Variants in BAG3 observed in about 807,000 individuals in gnomAD.
The protein encoded by BAG3 is BAG family molecular chaperone regulator 3.
A neutral mutation model predicts 40.5 loss-of-function variants in BAG3; 14 were observed. That is an observed-to-expected ratio of 0.35 (90% CI 0.23 to 0.54). The LOEUF (loss-of-function observed/expected upper bound fraction) is 0.54. Ranked by LOEUF, BAG3 falls within the 20% of genes least tolerant of loss-of-function variation. The probability of loss-of-function intolerance (pLI) is 0.91; values close to 1 mark genes in which losing one functional copy is unlikely to be tolerated. For synonymous variants in BAG3, 302 were observed against 307.8 expected (o/e 0.98, Z 0.20); for missense variants, 788 against 758.6 (o/e 1.04, Z -0.46).
chr10:119,674,095 T>A (rs920904359), intron 3 of BAG3, among the ~76,000 whole-genome samples: 1 of 152,258 alleles, frequency 6.6e-6, no homozygotes, highest in Non-Finnish European at 1.5e-5. Context: ...GCAACTTCTC[T>A]TCAGTCTTCC....
intron 1 of BAG3, among the ~76,000 whole-genome samples, chr10:119,660,595 C>T (rs1316074696): frequency 6.6e-6 from 1 of 152,178 alleles, no homozygotes; most frequent in Non-Finnish European, 1.5e-5. Flanking sequence ...CCTGTAATCC[C>T]AGCACTTTGG....
intron 3 of BAG3, among the ~76,000 whole-genome samples, chr10:119,675,069 C>T (rs1394332622): frequency 1.3e-5 from 2 of 149,366 alleles, no homozygotes; most frequent in African/African-American, 4.9e-5. Context: ...TGGTGGCTCA[C>T]ACCTATAATC....
At chr10:119,674,757 T>C (rs1166898430) in intron 3 of BAG3, among the ~76,000 whole-genome samples, 2 of 151,500 alleles carry the variant, frequency 1.3e-5, no homozygotes, top group African/African-American at 4.9e-5. Flanking sequence ...TCACTTAAGG[T>C]CAGGAGTTCA....
intron 2 of BAG3, among the ~76,000 whole-genome samples, chr10:119,671,105 C>G (rs1456221907): frequency 6.6e-6 from 1 of 152,110 alleles, no homozygotes; most frequent in Non-Finnish European, 1.5e-5. Flanking sequence ...GCCAGGAATT[C>G]AAGACCAGCC....
In BAG3 at chr10:119,652,924, G is replaced by T. The variant is rs183560607; in HGVS notation, c.180+1069G>T. Among the ~76,000 whole-genome samples, 6 of 152,272 alleles carry T rather than the reference G, an allele frequency of 3.9e-5. No homozygotes were observed. In the East Asian group the frequency reaches 1.2e-3, roughly 29 times the overall value. The stretch of plus-strand genomic sequence containing the variant: ...ATTTTTTATAAATTTGAGCTTTCAG[G>T]ATAAAAAGTTTTTAAAATAAATATG... On this transcript the variant is annotated intron_variant, in intron 1 of 3. Coordinates refer to ENST00000369085, the MANE Select transcript of BAG3 (RefSeq NM_004281.4).
Position 119,651,622 on chromosome 10 carries a change from C to T in BAG3, c.-54C>T. On this transcript the variant is annotated 5_prime_UTR_variant, in exon 1 of 4. Coordinates refer to ENST00000369085, the MANE Select transcript of BAG3 (RefSeq NM_004281.4). ...GGCGGCGGCCCGGCCAGAGACTCGG[C>T]GCCCGGAGCCAGCGCCCCGCACCCG... The T allele has an allele frequency of 4.9e-6, 7 of 1,436,170 alleles. No homozygotes were observed. Among genetic ancestry groups the T allele is most frequent in the Non-Finnish European group, 5.5e-6 (6 of 1,089,238 alleles). 89.0% of individuals were successfully genotyped at this position (1,436,170 alleles called of 1,614,324 possible).
At chr10:119,658,358 G>A (rs542580277) in intron 1 of BAG3, among the ~76,000 whole-genome samples, 55 of 152,302 alleles carry the variant, frequency 3.6e-4, no homozygotes, top group Admixed American at 6.5e-4. Flanking sequence ...TGTCTTCCCC[G>A]GTTCTGACAG....
At position 119,669,488 on chromosome 10, in the gene BAG3, G is replaced by A. The variant is rs564919198; in HGVS notation, c.181-363G>A. Among the ~76,000 whole-genome samples the A allele has an allele frequency of 2.6e-5, 4 of 152,272 alleles. No homozygotes were observed. In the South Asian group the frequency reaches 6.2e-4, roughly 24 times the overall value. ...GAGGTTGGAGCTGACCCCTGCTCCT[G>A]GAGCTCATCTTCTGATCCGGGTCTC... On this transcript the variant is annotated intron_variant, in intron 1 of 3. Coordinates refer to ENST00000369085, the MANE Select transcript of BAG3 (RefSeq NM_004281.4).
At chr10:119,656,221 A>G (rs1846907476) in intron 1 of BAG3, among the ~76,000 whole-genome samples, 1 of 152,112 alleles carries the variant, frequency 6.6e-6, no homozygotes, top group Non-Finnish European at 1.5e-5. Flanking sequence ...CTTGCTTATT[A>G]GGATCTTTGA....
intron 1 of BAG3, among the ~76,000 whole-genome samples, chr10:119,661,726 CTT>C (rs1167031956): frequency 6.6e-6 from 1 of 152,018 alleles, no homozygotes; most frequent in African/African-American, 2.4e-5. Flanking sequence ...GCACACACCT[CTT>C]GTCTTACCAG....
Position 119,676,908 on chromosome 10 carries a change from C to T in BAG3, c.1354C>T (p.Leu452=), listed in dbSNP as rs751439966. 14 of 1,614,068 alleles carry T rather than the reference C, an allele frequency of 8.7e-6. No individual in the cohort carries two copies. Among genetic ancestry groups the T allele is most frequent in the African/African-American group, 5.3e-5 (4 of 74,910 alleles). The change falls in exon 4 of 4, where the codon CTG becomes TTG. Residue 452 remains leucine, a synonymous_variant. Transcript: ENST00000369085. ...FEGKKTDKKY[L]MIEEYLTKEL... is the part of the protein sequence containing the mutation. ...AGGCAAGAAGACTGACAAAAAGTAC[C>T]TGATGATCGAAGAGTATTTGACCAA...
At chr10:119,667,558 C>T (rs148613430) in intron 1 of BAG3, among the ~76,000 whole-genome samples, 2 of 152,290 alleles carry the variant, frequency 1.3e-5, no homozygotes, top group East Asian at 3.9e-4. Context: ...AGCGTCTACC[C>T]TGGAAGAGCC....
intron 1 of BAG3, among the ~76,000 whole-genome samples, chr10:119,662,173 G>GAGT (rs1400125700): frequency 1.3e-5 from 2 of 150,192 alleles, no homozygotes; most frequent in Non-Finnish European, 3.0e-5. Context: ...TCAGCCTCCT[G>GAGT]AGTACCTGGG....
Position 119,660,163 on chromosome 10 carries a change from G to A in BAG3, c.180+8308G>A, listed in dbSNP as rs146395756. On this transcript the variant is annotated intron_variant, in intron 1 of 3. Transcript: ENST00000369085. Reference sequence around the variant, plus strand: ...ACGTGTGCCCTGGTGAGGGGCCATCGAGGATGTTGAGGAGACGCCAGCAGA... The same window carrying A: ...ACGTGTGCCCTGGTGAGGGGCCATCAAGGATGTTGAGGAGACGCCAGCAGA... Among the ~76,000 whole-genome samples the A allele has an allele frequency of 1.4e-4, 21 of 152,342 alleles. No homozygotes were observed. The East Asian group carries it at 2.9e-3, about 21-fold the overall frequency.
rs1303615373 is a variant in BAG3, at chr10:119,676,813, C to A, written c.1259C>A (p.Pro420Gln). Residue 420 changes from proline to glutamine, a missense_variant, in exon 4 of 4, where the codon CCA becomes CAA. Coordinates refer to ENST00000369085, the MANE Select transcript of BAG3 (RefSeq NM_004281.4). The stretch of plus-strand genomic sequence containing the variant: ...GAAGCCGAGGCTCCCCCAAAACATC[C>A]AGGAGTGCTGAAAGTGGAAGCCATC... ...PGEAEAPPKH[P>Q]GVLKVEAILE... is the part of the protein sequence containing the mutation. 1 of 1,614,054 alleles carries A rather than the reference C, an allele frequency of 6.2e-7. No individual in the cohort carries two copies. The highest frequency in any genetic ancestry group is 1.3e-5 in the African/African-American group (1 of 74,924).
chr10:119,676,694 T>G lies in BAG3; in HGVS notation c.1140T>G (p.Pro380=), dbSNP rs201449869. The part of the protein sequence containing the change: ...PVPCPPPSPG[P]SAVPSSPKSV... The stretch of plus-strand genomic sequence containing the variant: ...CTTGTCCTCCTCCCAGCCCTGGCCC[T>G]TCTGCTGTCCCCTCTTCCCCCAAGA... Residue 380 remains proline (P), a synonymous_variant, in exon 4 of 4, where the codon CCT becomes CCG. Transcript: ENST00000369085. 6.2e-6 allele frequency: 10 copies of G among 1,614,158 alleles called. No individual in the cohort carries two copies. The East Asian group carries it at 2.2e-4, about 36-fold the overall frequency.
intron 1 of BAG3, 63 bp downstream of exon 1, chr10:119,651,918 T>C (rs1485472392): frequency 1.5e-6 from 2 of 1,350,714 alleles, no homozygotes; most frequent in African/African-American, 1.5e-5. Context: ...CGGCGGGGAG[T>C]GGGCTGGGCC....
chr10:119,652,521 T>C (rs1846857436), intron 1 of BAG3, among the ~76,000 whole-genome samples: 1 of 152,230 alleles, frequency 6.6e-6, no homozygotes, highest in South Asian at 2.1e-4. Context: ...CGTATCCTAG[T>C]ATGATTTGTA....
intron 1 of BAG3, among the ~76,000 whole-genome samples, chr10:119,659,385 G>C (rs1353091258): frequency 6.6e-6 from 1 of 152,214 alleles, no homozygotes; most frequent in Non-Finnish European, 1.5e-5. Context: ...TGCCTGTGAG[G>C]GGGGACATCA....
Sources: gnomAD v4.1 joint callset for allele counts (sites outside exome capture counted in the v4.1 genomes callset) on GRCh38, gnomAD v4.1.1 for gene constraint, MANE v1.5 for transcripts, NCBI Gene and HGNC (gene_info 2026-07-23, HGNC 2026-07-21) for gene names.